TRMT2B: variants seen among roughly 807,000 people sequenced by gnomAD.
TRMT2B encodes tRNA (uracil-5-)-methyltransferase homolog B.
Under a neutral mutation model 39.7 loss-of-function variants are expected in TRMT2B, and 34 were observed. The observed-to-expected ratio is 0.86, with a 90% CI of 0.65 to 1.14. The LOEUF is 1.14. TRMT2B is among the 50% of genes most tolerant of loss of function. The pLI, the probability that TRMT2B is intolerant of heterozygous loss-of-function variation, is 0.00. For missense variants in TRMT2B, 318 were observed against 377.2 expected, an observed-to-expected ratio of 0.84 and a Z score of 1.30; for synonymous variants, 132 against 137.3, an observed-to-expected ratio of 0.96 and a Z score of 0.27.
At chrX:100,984,320 G>A in the TRMT2B span, among the ~76,000 whole-genome samples, 1 of 107,894 alleles carries the variant, frequency 9.3e-6, no homozygotes, top group Non-Finnish European at 1.9e-5. Context: ...TGTATTTTTA[G>A]TAAAGATGGG....
At chrX:100,993,013 T>C in the TRMT2B span, among the ~76,000 whole-genome samples, 1 of 112,111 alleles carries the variant, frequency 8.9e-6, no homozygotes, top group Admixed American at 9.5e-5. Context: ...CTGTAGATGG[T>C]TGCATCATTT....
intron 2 of TRMT2B, among the ~76,000 whole-genome samples, chrX:101,048,130 A>T (rs2088813839): frequency 9.4e-6 from 1 of 106,161 alleles, no homozygotes; most frequent in Non-Finnish European, 2.0e-5. Context: ...ACACACACAC[A>T]CACACACACA....
chrX:100,978,971 G>A, the TRMT2B span, among the ~76,000 whole-genome samples: 1 of 110,845 alleles, frequency 9.0e-6, no homozygotes, highest in Non-Finnish European at 1.9e-5. Flanking sequence ...GATGACAACT[G>A]TGATTGCAAA....
At chrX:101,023,762 T>C in intron 7 of TRMT2B, 146 bp from the exon 8 acceptor site, 2 of 511,296 alleles carry the variant, frequency 3.9e-6, no homozygotes, top group Non-Finnish European at 3.1e-6. Flanking sequence ...AATGTGTCTA[T>C]ACTTTGAGAC....
the TRMT2B span, among the ~76,000 whole-genome samples, chrX:100,975,631 C>CT: frequency 0.015 from 1,501 of 97,854 alleles, 28 homozygotes; most frequent in African/African-American, 0.049. Flanking sequence ...ATTTTCTTTG[C>CT]TTTTTTTTTT....
the TRMT2B span, chrX:100,988,174 C>G: frequency 2.1e-5 from 25 of 1,179,841 alleles, no homozygotes; most frequent in South Asian, 4.4e-4. Flanking sequence ...CTACTGCTGT[C>G]CTTTCCATCT....
At chrX:100,978,618 T>G in the TRMT2B span, among the ~76,000 whole-genome samples, 1 of 110,698 alleles carries the variant, frequency 9.0e-6, no homozygotes, top group South Asian at 3.8e-4. Flanking sequence ...AGGAAACAGA[T>G]CATGTGTTTT....
At chrX:100,978,311 C>A in the TRMT2B span, among the ~76,000 whole-genome samples, 1 of 111,817 alleles carries the variant, frequency 8.9e-6, no homozygotes, top group South Asian at 3.7e-4. Context: ...GTGCTGAAAT[C>A]TCCAATTATT....
At chrX:101,040,111 T>C (rs781180565) in intron 4 of TRMT2B, among the ~76,000 whole-genome samples, 18 of 108,325 alleles carry the variant, frequency 1.7e-4, no homozygotes, top group African/African-American at 5.7e-4. Context: ...CTGGCCAACA[T>C]GGTGAAACCC....
the TRMT2B span, among the ~76,000 whole-genome samples, chrX:100,985,413 T>C: frequency 8.9e-6 from 1 of 111,926 alleles, no homozygotes; most frequent in African/African-American, 3.2e-5. Context: ...TTTAGGAAGA[T>C]AGCCCCCAAG....
rs1040926894 is a variant in TRMT2B, at chrX:101,025,762, C to G, written c.610-2146G>C. On this transcript the variant is annotated intron_variant, in intron 7 of 13. Coordinates refer to ENST00000372936, the MANE Select transcript of TRMT2B (RefSeq NM_024917.6). ...TCATTTGAGGTCAGGGGTTCAAGAC[C>G]AGCCTGACCAACATGGCAAAACCCC... 9.0e-5 allele frequency among the ~76,000 whole-genome samples: 10 copies of G among 110,821 alleles called. 1 individual carries two copies. The Admixed American group carries it at 9.8e-4, about 11-fold the overall frequency.
chrX:101,029,828 T>C (rs1166072414), intron 7 of TRMT2B, among the ~76,000 whole-genome samples: 2 of 111,869 alleles, frequency 1.8e-5, no homozygotes, highest in Non-Finnish European at 3.8e-5. Flanking sequence ...GAGGGGGACC[T>C]GATAAGTCAA....
chrX:101,040,536 A>C (rs1209026456), intron 4 of TRMT2B, among the ~76,000 whole-genome samples: 3 of 111,412 alleles, frequency 2.7e-5, no homozygotes, highest in African/African-American at 9.8e-5. Flanking sequence ...CTTATGGACA[A>C]AATTACTTCT....
intron 7 of TRMT2B, among the ~76,000 whole-genome samples, chrX:101,032,590 A>AAAAT (rs762447310): frequency 1.6e-4 from 17 of 106,495 alleles, no homozygotes; most frequent in East Asian, 1.5e-3. Context: ...CCATCTCAAA[A>AAAAT]AAATAAATAA....
chrX:101,028,943 G>C (rs1164645726), intron 7 of TRMT2B, among the ~76,000 whole-genome samples: 2 of 111,561 alleles, frequency 1.8e-5, no homozygotes, highest in Non-Finnish European at 3.8e-5. Flanking sequence ...CACCATGATA[G>C]TGTGTCCTGA....
the TRMT2B span, among the ~76,000 whole-genome samples, chrX:100,975,511 C>T: frequency 9.0e-6 from 1 of 111,643 alleles, no homozygotes; most frequent in Admixed American, 9.6e-5. Context: ...TTTTTCCTCT[C>T]TGTATCTTTA....
chrX:101,020,495 G>C lies in TRMT2B; in HGVS notation c.1160C>G (p.Ala387Gly). 8.3e-7 allele frequency: 1 copy of C among 1,200,107 alleles called. No homozygotes were observed. Among genetic ancestry groups the C allele is most frequent in the Non-Finnish European group, 1.1e-6 (1 of 885,342 alleles). The stretch of plus-strand genomic sequence containing the variant: ...GACTGTAAGCTGTGTACCATTGAAG[G>C]CTGCAGTCCATCTTGCATCCTCCAC... Reference protein sequence around the residue: ...QAVEDARWTAAFNGITNSEFH... With the variant: ...QAVEDARWTAGFNGITNSEFH... The change falls in exon 11 of 14, where the codon GCC becomes GGC. Residue 387 changes from alanine to glycine, a missense_variant. By Grantham distance (60) the Ala-to-Gly change is moderately conservative (BLOSUM62 0). Coordinates refer to ENST00000372936, the MANE Select transcript of TRMT2B (RefSeq NM_024917.6).
At chrX:101,033,323 G>A (rs776127092) in intron 7 of TRMT2B, among the ~76,000 whole-genome samples, 29 of 109,266 alleles carry the variant, frequency 2.7e-4, no homozygotes, top group South Asian at 1.2e-3. Flanking sequence ...GGCTGGGTGC[G>A]GTGGCTCACA....
intron 4 of TRMT2B, among the ~76,000 whole-genome samples, chrX:101,040,894 C>T (rs911656824): frequency 4.5e-5 from 5 of 111,643 alleles, no homozygotes; most frequent in Non-Finnish European, 5.6e-5. Context: ...GTTTAAGAAG[C>T]TGCTTGGGAT....
Sources: allele counts gnomAD v4.1 joint callset (sites outside exome capture counted in the v4.1 genomes callset), GRCh38; gene constraint gnomAD v4.1.1; transcripts MANE v1.5; gene names NCBI Gene and HGNC (gene_info 2026-07-23, HGNC 2026-07-21).